The following ITGB1 variants were observed in gnomAD, a reference collection of about 807,000 sequenced individuals.
ITGB1 encodes the protein integrin subunit beta 1, also known as integrin beta-1.
A neutral mutation model predicts 86.5 loss-of-function variants in ITGB1; 24 were observed. That is an observed-to-expected ratio of 0.28 (90% CI 0.20 to 0.39). The LOEUF (loss-of-function observed/expected upper bound fraction) is 0.39. Among genes scored for constraint, ITGB1 ranks in the 10% least tolerant of loss-of-function variants. ITGB1 has a pLI of 1.00. For missense variants in ITGB1, 556 were observed against 946.9 expected (o/e 0.59, Z 5.42); for synonymous variants, 323 against 316.8 (o/e 1.02, Z -0.21).
chr10:32,941,760 A>G lies in ITGB1; in HGVS notation c.1-6202T>C, dbSNP rs528945587. Among the ~76,000 whole-genome samples the G allele has an allele frequency of 7.2e-5, 11 of 152,346 alleles. No individual in the cohort carries two copies. The East Asian group carries it at 1.5e-3, about 21-fold the overall frequency. On this transcript the variant is annotated intron_variant, in intron 1 of 15. Transcript: ENST00000302278. ...GATAACAGCAACAAACAAGAAGACG[A>G]ACAAACAATGATTAGAAGGTAGCTA...
intron 9 of ITGB1, among the ~76,000 whole-genome samples, chr10:32,920,757 G>A (rs1481076149): frequency 6.6e-6 from 1 of 150,982 alleles, no homozygotes; most frequent in African/African-American, 2.4e-5. Context: ...TGGACTGCCT[G>A]AGCTCAGGAG....
chr10:32,910,235 C>T lies in ITGB1; in HGVS notation c.2152G>A (p.Val718Met). The T allele has an allele frequency of 2.5e-6, 4 of 1,602,034 alleles. No homozygotes were observed. Among genetic ancestry groups the T allele is most frequent in the Non-Finnish European group, 3.4e-6 (4 of 1,169,530 alleles). ...NGNNEVMVHV[V>M]ENPECPTGPD... The stretch of plus-strand genomic sequence containing the variant: ...ATCGCATTTCTACCTGGATTCTCCA[C>T]AACATGAACCATGACCTCGTTGTTC... Residue 718 changes from valine (V) to methionine (M), a missense_variant, in exon 14 of 16, where the codon GTG becomes ATG. Around this residue, in one of 4 missense-constraint regions of ITGB1, gnomAD observed 330 missense variants for 531.5 expected, o/e 0.62. Transcript: ENST00000302278.
At chr10:32,915,955 G>C (rs957177841) in intron 11 of ITGB1, among the ~76,000 whole-genome samples, 2 of 152,254 alleles carry the variant, frequency 1.3e-5, no homozygotes, top group South Asian at 4.1e-4. Flanking sequence ...ACATCAAAAA[G>C]CTTATCCACC....
intron 1 of ITGB1, among the ~76,000 whole-genome samples, chr10:32,940,689 C>G (rs985767013): frequency 3.9e-5 from 6 of 152,172 alleles, no homozygotes; most frequent in African/African-American, 1.4e-4. Flanking sequence ...GCAAAAGAAC[C>G]CTTTCTAGGC....
intron 15 of ITGB1, among the ~76,000 whole-genome samples, chr10:32,903,615 C>T (rs2094888444): frequency 6.6e-6 from 1 of 152,106 alleles, no homozygotes; most frequent in Non-Finnish European, 1.5e-5. Context: ...CCCTCACTCC[C>T]CTCTCCTCAA....
At chr10:32,933,550 A>T (rs1400180195) in intron 2 of ITGB1, 1 of 152,194 alleles carries the variant, frequency 6.6e-6, no homozygotes, top group Non-Finnish European at 1.5e-5. Context: ...CTTTTCTGAG[A>T]TTATAAAACC....
At chr10:32,907,341 A>T (rs2094899559) in intron 15 of ITGB1, among the ~76,000 whole-genome samples, 1 of 152,222 alleles carries the variant, frequency 6.6e-6, no homozygotes, top group African/African-American at 2.4e-5. Context: ...ATTTAAAAAT[A>T]CTGAAGATTG....
At position 32,901,372 on chromosome 10, in the gene ITGB1, C is replaced by T. The variant is rs1415475398; in HGVS notation, c.*198G>A. On this transcript the variant is annotated 3_prime_UTR_variant, in exon 16 of 16. Coordinates refer to ENST00000302278, the MANE Select transcript of ITGB1 (RefSeq NM_002211.4). Reference sequence around the variant, plus strand: ...GCTGACAAGAGTAACCATCCTGTCTCAAGTCTTTTGTCAGTCCCTGGCATG... The same window carrying T: ...GCTGACAAGAGTAACCATCCTGTCTTAAGTCTTTTGTCAGTCCCTGGCATG... 6.3e-6 allele frequency: 3 copies of T among 479,116 alleles called. No homozygotes were observed. The highest frequency in any genetic ancestry group is 1.1e-5 in the Non-Finnish European group (3 of 266,656). The allele number at this position is 479,116 out of a possible 1,614,324, so 29.7% of individuals were successfully genotyped here. A position where few individuals can be genotyped will look rare whatever the true frequency, so the allele number is the denominator to read the frequency against.
chr10:32,917,908 G>A (rs1196753375), intron 11 of ITGB1, among the ~76,000 whole-genome samples: 1 of 150,762 alleles, frequency 6.6e-6, no homozygotes, highest in Non-Finnish European at 1.5e-5. Context: ...TGTTTACTGC[G>A]GCACTATTCA....
chr10:32,903,263 A>G (rs1405717786), intron 15 of ITGB1, among the ~76,000 whole-genome samples: 1 of 149,772 alleles, frequency 6.7e-6, no homozygotes, highest in Non-Finnish European at 1.5e-5. Context: ...GGGATAGGGG[A>G]ATCACTTGAA....
chr10:32,928,841 A>G (rs2094973955), intron 4 of ITGB1, among the ~76,000 whole-genome samples: 1 of 151,918 alleles, frequency 6.6e-6, no homozygotes, highest in Admixed American at 6.6e-5. Context: ...ATGAAGGAGG[A>G]GAAGAGAGAG....
At chr10:32,921,675 C>T (rs1391041950) in intron 9 of ITGB1, among the ~76,000 whole-genome samples, 1 of 152,172 alleles carries the variant, frequency 6.6e-6, no homozygotes, top group Non-Finnish European at 1.5e-5. Flanking sequence ...GCCAATTCCT[C>T]TTTAATTTCA....
intron 1 of ITGB1, among the ~76,000 whole-genome samples, chr10:32,936,737 TGG>T (rs1181157856): frequency 6.6e-6 from 1 of 152,220 alleles, no homozygotes; most frequent in African/African-American, 2.4e-5. Context: ...CTACGGCCAC[TGG>T]TTGCTGACTT....
At chr10:32,941,459 G>A (rs1370592698) in intron 1 of ITGB1, among the ~76,000 whole-genome samples, 1 of 152,096 alleles carries the variant, frequency 6.6e-6, no homozygotes, top group Non-Finnish European at 1.5e-5. Flanking sequence ...GTATTTCTGA[G>A]ACTTAAATTA....
intron 14 of ITGB1, 103 bp from the exon 15 acceptor site, chr10:32,908,637 C>A (rs1290156981): frequency 2.2e-6 from 2 of 906,048 alleles, no homozygotes; most frequent in African/African-American, 1.7e-5. Context: ...CACACTATCC[C>A]AAAGAATCTA....
chr10:32,931,889 T>C (rs1413424693), intron 3 of ITGB1, among the ~76,000 whole-genome samples: 1 of 152,118 alleles, frequency 6.6e-6, no homozygotes, highest in Middle Eastern at 3.2e-3. Flanking sequence ...TCACTGAACA[T>C]TTAGTAGGCT....
intron 1 of ITGB1, among the ~76,000 whole-genome samples, chr10:32,938,912 C>T (rs2095011067): frequency 6.6e-6 from 1 of 152,178 alleles, no homozygotes; most frequent in Non-Finnish European, 1.5e-5. Context: ...GCCACAGAGA[C>T]CCGGACAGGA....
intron 15 of ITGB1, among the ~76,000 whole-genome samples, chr10:32,905,856 G>C (rs374747605): frequency 2.6e-5 from 4 of 152,198 alleles, no homozygotes; most frequent in African/African-American, 9.7e-5. Context: ...CCCTATTACA[G>C]TCAGTCAGTT....
intron 9 of ITGB1, 67 bp from the exon 10 acceptor site, chr10:32,920,452 T>C (rs1180951625): frequency 1.5e-6 from 2 of 1,378,736 alleles, no homozygotes; most frequent in African/African-American, 1.4e-5. Context: ...ATAAAACCAA[T>C]GGATAAACTG....
Sources: gnomAD v4.1 joint callset for allele counts (sites outside exome capture counted in the v4.1 genomes callset) on GRCh38, gnomAD v4.1.1 for gene constraint, gnomAD v4.1.1 regional missense constraint, MANE v1.5 for transcripts, NCBI Gene and HGNC (gene_info 2026-07-23, HGNC 2026-07-21) for gene names.